Variants in GRIA2 observed in about 807,000 individuals in gnomAD.
GRIA2 encodes the protein glutamate ionotropic receptor AMPA type subunit 2, also known as glutamate receptor 2.
Under a neutral mutation model 97.3 loss-of-function variants are expected in GRIA2, and 14 were observed. That is an observed-to-expected ratio of 0.14 (90% CI 0.10 to 0.23). The LOEUF (loss-of-function observed/expected upper bound fraction) is 0.23, where lower values mean the gene tolerates loss of function less well. Ranked by LOEUF, GRIA2 falls within the 10% of genes least tolerant of loss-of-function variation. The pLI is 1.00. For missense variants in GRIA2, 558 were observed against 1,069.8 expected (o/e 0.52, Z 6.67); for synonymous variants, 412 against 387.8 (o/e 1.06, Z -0.73).
At chr4:157,320,553 A>G (rs933009988) in intron 5 of GRIA2, among the ~76,000 whole-genome samples, 1 of 152,096 alleles carries the variant, frequency 6.6e-6, no homozygotes, top group Admixed American at 6.5e-5. Flanking sequence ...TTGTGAGCCA[A>G]TAAAAAGTAA....
chr4:157,313,793 A>G (rs1442893810), intron 4 of GRIA2, among the ~76,000 whole-genome samples: 2 of 152,012 alleles, frequency 1.3e-5, no homozygotes, highest in Non-Finnish European at 2.9e-5. Flanking sequence ...GTGCACATAT[A>G]TGTATTTATA....
rs569473997 is a variant in GRIA2, at chr4:157,243,010, G to C, written c.229+21203G>C. Among the ~76,000 whole-genome samples, 13 of 152,118 alleles carry C rather than the reference G, an allele frequency of 8.5e-5. No individual in the cohort carries two copies. In the South Asian group the frequency reaches 2.3e-3, roughly 27 times the overall value. ...TGAAATTACTAACAAAAAGTGCAAA[G>C]ATGCAAAATAAAAATGGAAATTAAA... On this transcript the variant is annotated intron_variant, in intron 2 of 15. Transcript: ENST00000264426.
In GRIA2 at chr4:157,278,316, C is replaced by T. The variant is rs151214310; in HGVS notation, c.230-25236C>T. Among the ~76,000 whole-genome samples the T allele has an allele frequency of 2.8e-4, 43 of 151,872 alleles. 1 individual carries two copies. The East Asian group carries it at 7.2e-3, about 25-fold the overall frequency. On this transcript the variant is annotated intron_variant, in intron 2 of 15. Transcript: ENST00000264426. ...ACAGAATAGAGAGCCCAGCAATAGA[C>T]TCATATAAGTATAGTCAACTGATTA...
At position 157,363,801 on chromosome 4, in the gene GRIA2, CATGCACAGCTA is replaced by C. The variant is rs1256073646; in HGVS notation, c.*372_*382del. On this transcript the variant is annotated 3_prime_UTR_variant, in exon 16 of 16. Coordinates refer to ENST00000264426, the MANE Select transcript of GRIA2 (RefSeq NM_001083619.3). ...CGAGTTACAGACAAAGCGTGGTGGA[CATGCACAGCTA>C]ACATGGAAGTACTATAATTTACCTG... 5.5e-6 allele frequency: 2 copies of C among 362,668 alleles called. No individual in the cohort carries two copies. The highest frequency in any genetic ancestry group is 4.2e-5 in the African/African-American group (2 of 47,782). The allele number at this position is 362,668 out of a possible 1,614,324, so 22.5% of individuals were successfully genotyped here.
Position 157,285,893 on chromosome 4 carries a change from A to G in GRIA2, c.230-17659A>G, listed in dbSNP as rs182593648. On this transcript the variant is annotated intron_variant, in intron 2 of 15. Transcript: ENST00000264426. ...TTCATAGGTGAGCATGTCTACATTT[A>G]TATTTGAGGAGAGTAAAGAGTAGAG... is the stretch of plus-strand genomic sequence containing the variant. 2.8e-3 allele frequency among the ~76,000 whole-genome samples: 418 copies of G among 151,612 alleles called. 1 individual carries two copies. Among genetic ancestry groups the G allele is most frequent in the Middle Eastern group, 0.024 (7 of 290 alleles).
In GRIA2 at chr4:157,360,036, G is replaced by A. The variant is rs760253405; in HGVS notation, c.2184G>A (p.Thr728=). ...KGKYAYLLES[T]MNEYIEQRKP... Reference sequence around the variant, plus strand: ...AATATGCCTACTTGTTGGAGTCCACGATGAACGAGTACATTGAGCAAAGGA... The same window carrying A: ...AATATGCCTACTTGTTGGAGTCCACAATGAACGAGTACATTGAGCAAAGGA... Residue 728 remains threonine (T), a synonymous_variant, in exon 13 of 16, where the codon ACG becomes ACA. Transcript: ENST00000264426. The A allele has an allele frequency of 2.4e-5, 38 of 1,613,822 alleles. 1 individual carries two copies. The highest frequency in any genetic ancestry group is 3.1e-5 in the Non-Finnish European group (37 of 1,179,916).
At chr4:157,347,013 C>T (rs1735792479) in intron 12 of GRIA2, among the ~76,000 whole-genome samples, 2 of 152,226 alleles carry the variant, frequency 1.3e-5, no homozygotes, top group South Asian at 4.1e-4. Context: ...AACCCATGAT[C>T]TCTGATTTCA....
At chr4:157,288,238 C>T (rs1732935035) in intron 2 of GRIA2, among the ~76,000 whole-genome samples, 1 of 151,520 alleles carries the variant, frequency 6.6e-6, no homozygotes, top group South Asian at 2.1e-4. Flanking sequence ...TGAAATGAAT[C>T]TTTGACGTCA....
chr4:157,287,851 G>C (rs1156561557), intron 2 of GRIA2, among the ~76,000 whole-genome samples: 1 of 151,480 alleles, frequency 6.6e-6, no homozygotes, highest in Non-Finnish European at 1.5e-5. Context: ...AAAATTAATT[G>C]TCATGAAGAC....
chr4:157,296,214 A>G (rs1738912636), intron 2 of GRIA2, among the ~76,000 whole-genome samples: 1 of 152,126 alleles, frequency 6.6e-6, no homozygotes, highest in African/African-American at 2.4e-5. Context: ...CTTTTTTCCT[A>G]TTAGGAGAAT....
intron 2 of GRIA2, among the ~76,000 whole-genome samples, chr4:157,257,870 C>T (rs572952841): frequency 6.6e-6 from 1 of 152,080 alleles, no homozygotes; most frequent in African/African-American, 2.4e-5. Context: ...GGCAGAAGAA[C>T]ATAAATTGTG....
chr4:157,250,953 T>TG (rs776749319), intron 2 of GRIA2, among the ~76,000 whole-genome samples: 2 of 152,124 alleles, frequency 1.3e-5, no homozygotes, highest in Non-Finnish European at 2.9e-5. Flanking sequence ...TTGCTGTTGA[T>TG]GTTTCTGCCC....
intron 12 of GRIA2, among the ~76,000 whole-genome samples, chr4:157,359,484 A>T (rs1736542237): frequency 6.6e-6 from 1 of 152,174 alleles, no homozygotes; most frequent in Non-Finnish European, 1.5e-5. Context: ...ATGCCTGACC[A>T]ACCCACATTA....
intron 2 of GRIA2, among the ~76,000 whole-genome samples, chr4:157,295,007 A>T (rs907572757): frequency 6.6e-6 from 1 of 152,168 alleles, no homozygotes; most frequent in Non-Finnish European, 1.5e-5. Context: ...GACAGAGGTA[A>T]TTCTCTTTCG....
At chr4:157,249,188 C>T (rs542734534) in intron 2 of GRIA2, among the ~76,000 whole-genome samples, 29 of 152,176 alleles carry the variant, frequency 1.9e-4, no homozygotes, top group African/African-American at 6.7e-4. Context: ...AGGGATAAAA[C>T]ACAGCCACCA....
chr4:157,232,592 A>T (rs1730066946), intron 2 of GRIA2, among the ~76,000 whole-genome samples: 1 of 152,170 alleles, frequency 6.6e-6, no homozygotes, highest in African/African-American at 2.4e-5. Context: ...ACATACAGAA[A>T]GGAAATTTTG....
intron 2 of GRIA2, among the ~76,000 whole-genome samples, chr4:157,281,343 T>A (rs914730468): frequency 6.6e-6 from 1 of 152,130 alleles, no homozygotes; most frequent in African/African-American, 2.4e-5. Context: ...GGTACTCGGA[T>A]CTGTCATTTC....
At chr4:157,291,320 T>C (rs1733090818) in intron 2 of GRIA2, among the ~76,000 whole-genome samples, 1 of 152,032 alleles carries the variant, frequency 6.6e-6, no homozygotes, top group Non-Finnish European at 1.5e-5. Flanking sequence ...GTTGCTTTGC[T>C]ATTTTTTTAT....
chr4:157,355,835 T>A (rs1455237057), intron 12 of GRIA2, among the ~76,000 whole-genome samples: 2 of 68,956 alleles, frequency 2.9e-5, no homozygotes, highest in South Asian at 8.3e-4. Flanking sequence ...TTATATATAT[T>A]TTTATATATT....
Sources: gnomAD v4.1 joint callset for allele counts (sites outside exome capture counted in the v4.1 genomes callset) on GRCh38, gnomAD v4.1.1 for gene constraint, MANE v1.5 for transcripts, NCBI Gene and HGNC (gene_info 2026-07-23, HGNC 2026-07-21) for gene names.